The following LIMD1 variants were observed in gnomAD, a reference collection of about 807,000 sequenced individuals.
LIMD1 encodes the protein LIM domain-containing protein 1.
In LIMD1, 23 loss-of-function variants were observed where a neutral mutation model predicts 58.4. The observed-to-expected ratio is 0.39, with a 90% CI of 0.28 to 0.56. The LOEUF (loss-of-function observed/expected upper bound fraction) is 0.56, where lower values mean the gene tolerates loss of function less well. Among genes scored for constraint, LIMD1 ranks in the 20% least tolerant of loss-of-function variants. The probability of loss-of-function intolerance (pLI) is 0.57; values close to 1 mark genes in which losing one functional copy is unlikely to be tolerated. For missense variants in LIMD1, 838 were observed against 855.5 expected (o/e 0.98, Z 0.25); for synonymous variants, 334 against 345.5 (o/e 0.97, Z 0.37).
Position 45,677,217 on chromosome 3 carries a change from A to AGTGTTCACCTCCCT in LIMD1, c.*159_*160insTGTTCACCTCCCTG. Reference sequence around the variant, plus strand: ...GGGGGTGCCTTTCCTTTAACCAGGGAGGTGAACACTACCTGCCTCCTGCGT... The same window carrying AGTGTTCACCTCCCT: ...GGGGGTGCCTTTCCTTTAACCAGGGAGTGTTCACCTCCCTGGTGAACACTACCTGCCTCCTGCGT... On this transcript the variant is annotated 3_prime_UTR_variant, in exon 8 of 8. Coordinates refer to ENST00000273317, the MANE Select transcript of LIMD1 (RefSeq NM_014240.3). 2 of 701,594 alleles carry AGTGTTCACCTCCCT rather than the reference A, an allele frequency of 2.9e-6. No homozygotes were observed. Among genetic ancestry groups the AGTGTTCACCTCCCT allele is most frequent in the South Asian group, 1.8e-5 (1 of 54,186 alleles). The allele number at this position is 701,594 out of a possible 1,614,324, so 43.5% of individuals were successfully genotyped here. A position where few individuals can be genotyped will look rare whatever the true frequency, so the allele number is the denominator to read the frequency against.
chr3:45,645,635 C>T (rs1477424117), intron 2 of LIMD1, among the ~76,000 whole-genome samples: 1 of 152,202 alleles, frequency 6.6e-6, no homozygotes, highest in African/African-American at 2.4e-5. Context: ...TGTTGCACCG[C>T]AGTGCCTCAT....
intron 6 of LIMD1, 83 bp from the exon 7 acceptor site, chr3:45,674,260 C>A: frequency 2.0e-6 from 2 of 1,002,988 alleles, no homozygotes; most frequent in Non-Finnish European, 3.1e-6. Flanking sequence ...AAACCCTCTT[C>A]CCTCCCCACC....
intron 5 of LIMD1, among the ~76,000 whole-genome samples, chr3:45,673,101 C>T (rs186091420): frequency 7.2e-5 from 11 of 152,040 alleles, no homozygotes; most frequent in African/African-American, 2.7e-4. Flanking sequence ...GGGAGGAATC[C>T]ACCAAGCCCT....
At position 45,679,005 on chromosome 3, in the gene LIMD1, AT is replaced by A. The variant is rs1343773529; in HGVS notation, c.*1947del. 3.3e-5 allele frequency: 5 copies of A among 152,172 alleles called. No individual in the cohort carries two copies. The highest frequency in any genetic ancestry group is 9.7e-5 in the African/African-American group (4 of 41,402). 9.4% of individuals were successfully genotyped at this position (152,172 alleles called of 1,614,324 possible). A position where few individuals can be genotyped will look rare whatever the true frequency, so the allele number is the denominator to read the frequency against. ...GGGGACCCTCTCTTCCCATCAAATC[AT>A]CCAGCTCAGTGTGGGGCGTGGCAGG... On this transcript the variant is annotated 3_prime_UTR_variant, in exon 8 of 8. Coordinates refer to ENST00000273317, the MANE Select transcript of LIMD1 (RefSeq NM_014240.3).
Position 45,680,803 on chromosome 3 carries a change from G to C in LIMD1, c.*3744G>C, listed in dbSNP as rs1254112625. ...AGGCGGGTGGATCACTTAAGGTCAG[G>C]AGTTAGAGACCAGCCTGACCAACAT... is the stretch of plus-strand genomic sequence containing the variant. On this transcript the variant is annotated 3_prime_UTR_variant, in exon 8 of 8. Transcript: ENST00000273317. 1 of 152,194 alleles carries C rather than the reference G, an allele frequency of 6.6e-6. No individual in the cohort carries two copies. The highest frequency in any genetic ancestry group is 2.4e-5 in the African/African-American group (1 of 41,448). 9.4% of individuals were successfully genotyped at this position (152,194 alleles called of 1,614,324 possible).
At chr3:45,614,034 G>A (rs1434796590) in intron 1 of LIMD1, among the ~76,000 whole-genome samples, 1 of 152,034 alleles carries the variant, frequency 6.6e-6, no homozygotes, top group Non-Finnish European at 1.5e-5. Context: ...TAAGCCACCT[G>A]TTCTCTGAGC....
At position 45,682,124 on chromosome 3, in the gene LIMD1, T is replaced by TGAG. The variant is rs1697752976; in HGVS notation, c.*5068_*5070dup. Reference sequence around the variant, plus strand: ...GCCAAGGACACGGGAAAGCTGGGAGTGAGGATACTCATAGTCATAGCACCT... The same window carrying TGAG: ...GCCAAGGACACGGGAAAGCTGGGAGTGAGGAGGATACTCATAGTCATAGCACCT... On this transcript the variant is annotated 3_prime_UTR_variant, in exon 8 of 8. Coordinates refer to ENST00000273317, the MANE Select transcript of LIMD1 (RefSeq NM_014240.3). 6.6e-6 allele frequency: 1 copy of TGAG among 152,054 alleles called. No homozygotes were observed. Among genetic ancestry groups the TGAG allele is most frequent in the African/African-American group, 2.4e-5 (1 of 41,388 alleles). 9.4% of individuals were successfully genotyped at this position (152,054 alleles called of 1,614,324 possible). A position where few individuals can be genotyped will look rare whatever the true frequency, so the allele number is the denominator to read the frequency against.
At chr3:45,609,230 A>G (rs1406741443) in intron 1 of LIMD1, among the ~76,000 whole-genome samples, 1 of 152,194 alleles carries the variant, frequency 6.6e-6, no homozygotes, top group Non-Finnish European at 1.5e-5. Context: ...ACGGAATGGA[A>G]GTTGAATGTT....
At chr3:45,643,441 C>T (rs951789401) in intron 2 of LIMD1, among the ~76,000 whole-genome samples, 7 of 151,242 alleles carry the variant, frequency 4.6e-5, no homozygotes, top group Non-Finnish European at 8.8e-5. Context: ...GCCAAGATTG[C>T]GCCACTGTAC....
At chr3:45,597,555 A>G (rs2125646520) in intron 1 of LIMD1, among the ~76,000 whole-genome samples, 1 of 152,308 alleles carries the variant, frequency 6.6e-6, no homozygotes, top group East Asian at 1.9e-4. Context: ...CTGTTGAGTA[A>G]TGATTAGTTG....
In LIMD1 at chr3:45,610,202, C is replaced by T. The variant is rs534594368; in HGVS notation, c.1408+13915C>T. 4.6e-5 allele frequency among the ~76,000 whole-genome samples: 7 copies of T among 152,212 alleles called. No individual in the cohort carries two copies. In the South Asian group the frequency reaches 1.5e-3, roughly 32 times the overall value. Reference sequence around the variant, plus strand: ...CTGTCTCAAGAAAAAAAAGACTTCTCGAATGAATATGTGTACACTCTGGCC... The same window carrying T: ...CTGTCTCAAGAAAAAAAAGACTTCTTGAATGAATATGTGTACACTCTGGCC... On this transcript the variant is annotated intron_variant, in intron 1 of 7. Coordinates refer to ENST00000273317, the MANE Select transcript of LIMD1 (RefSeq NM_014240.3).
rs773501255 is a variant in LIMD1, at chr3:45,595,160, G to A, written c.281G>A (p.Gly94Asp). 3.7e-5 allele frequency: 60 copies of A among 1,604,990 alleles called. No individual in the cohort carries two copies. Among genetic ancestry groups the A allele is most frequent in the Non-Finnish European group, 4.6e-5 (54 of 1,175,602 alleles). The change falls in exon 1 of 8, where the codon GGC becomes GAC. Residue 94 changes from glycine to aspartate, a missense_variant. This residue lies in a region of LIMD1 where 659 missense variants were observed against 639.8 expected (regional missense o/e 1.03). Coordinates refer to ENST00000273317, the MANE Select transcript of LIMD1 (RefSeq NM_014240.3). ...LGPQARWEVV[G>D]SKLTVDGAAK... ...CCACAGGCCCGTTGGGAAGTTGTGG[G>A]CAGCAAGCTGACTGTGGATGGTGCT...
Position 45,673,493 on chromosome 3 carries a change from C to T in LIMD1, c.1812C>T (p.Ile604=). ...APKCAACGLP[I]LPPEGSDETI... is the part of the protein sequence containing the mutation. ...AGTGTGCAGCCTGTGGGCTTCCCAT[C>T]CTTCCACCTGAGGTAAGATGCCCTT... The change falls in exon 6 of 8, where the codon ATC becomes ATT. Residue 604 remains isoleucine (I), a synonymous_variant. Coordinates refer to ENST00000273317, the MANE Select transcript of LIMD1 (RefSeq NM_014240.3). 1 of 1,613,718 alleles carries T rather than the reference C, an allele frequency of 6.2e-7. No homozygotes were observed. The highest frequency in any genetic ancestry group is 8.5e-7 in the Non-Finnish European group (1 of 1,179,618).
At chr3:45,621,793 G>A (rs201709064) in intron 1 of LIMD1, among the ~76,000 whole-genome samples, 9 of 152,166 alleles carry the variant, frequency 5.9e-5, no homozygotes, top group East Asian at 3.9e-4. Flanking sequence ...GGCTGGGCGC[G>A]GTGGCTCACA....
rs1575368902 is a variant in LIMD1 at position 45,674,271 on chromosome 3, C to G, written c.1825-72C>G. ...CCCAAAACCCTCTTCCCTCCCCACC[C>G]CACGGTACATCAAGCCCGACAGCCC... is the stretch of plus-strand genomic sequence containing the variant. On this transcript the variant is annotated intron_variant, in intron 6 of 7. Coordinates refer to ENST00000273317, the MANE Select transcript of LIMD1 (RefSeq NM_014240.3). 3 of 1,203,892 alleles carry G rather than the reference C, an allele frequency of 2.5e-6. No homozygotes were observed. The East Asian group carries it at 7.0e-5, about 28-fold the overall frequency. 74.6% of individuals were successfully genotyped at this position (1,203,892 alleles called of 1,614,324 possible). A position where few individuals can be genotyped will look rare whatever the true frequency, so the allele number is the denominator to read the frequency against.
chr3:45,598,873 G>T (rs1365884312), intron 1 of LIMD1, among the ~76,000 whole-genome samples: 2 of 152,186 alleles, frequency 1.3e-5, no homozygotes, highest in African/African-American at 2.4e-5. Context: ...TCTGTGCTGG[G>T]CACTGTACTG....
At chr3:45,673,912 C>T (rs1697630965) in intron 6 of LIMD1, 1 of 263,822 alleles carries the variant, frequency 3.8e-6, no homozygotes, top group East Asian at 8.2e-5. Context: ...AAAAAAACCC[C>T]ACTTCACCTT....
At chr3:45,664,866 C>A (rs1298935556) in intron 2 of LIMD1, among the ~76,000 whole-genome samples, 1 of 152,198 alleles carries the variant, frequency 6.6e-6, no homozygotes, top group Non-Finnish European at 1.5e-5. Flanking sequence ...CTGAAACCCC[C>A]ACATTGCCTG....
In LIMD1 at chr3:45,684,454, T is replaced by G. The variant is rs1697784316; in HGVS notation, c.*7395T>G. On this transcript the variant is annotated 3_prime_UTR_variant, in exon 8 of 8. Transcript: ENST00000273317. Reference sequence around the variant, plus strand: ...GGGGAAATACCTGAGGTTTGTTGTTTCGTGCCAAGAAGATTAACAACACGG... The same window carrying G: ...GGGGAAATACCTGAGGTTTGTTGTTGCGTGCCAAGAAGATTAACAACACGG... The G allele has an allele frequency of 6.6e-6, 1 of 152,202 alleles. No individual in the cohort carries two copies. The highest frequency in any genetic ancestry group is 2.1e-4 in the South Asian group (1 of 4,826). 9.4% of individuals were successfully genotyped at this position (152,202 alleles called of 1,614,324 possible). A position where few individuals can be genotyped will look rare whatever the true frequency, so the allele number is the denominator to read the frequency against.
Sources: gnomAD v4.1 joint callset for allele counts (sites outside exome capture counted in the v4.1 genomes callset) on GRCh38, gnomAD v4.1.1 for gene constraint, gnomAD v4.1.1 regional missense constraint, MANE v1.5 for transcripts, NCBI Gene and HGNC (gene_info 2026-07-23, HGNC 2026-07-21) for gene names.